The following RPS6KA6 variants were observed in gnomAD, a reference collection of about 807,000 sequenced individuals.
The protein encoded by RPS6KA6 is ribosomal protein S6 kinase alpha-6.
A neutral mutation model predicts 65.4 loss-of-function variants in RPS6KA6; 27 were observed. The observed-to-expected ratio is 0.41, with a 90% confidence interval of 0.30 to 0.57. The LOEUF is 0.57. RPS6KA6 is among the 20% of genes least tolerant of loss of function. RPS6KA6 has a pLI of 0.24. For missense variants in RPS6KA6, 486 were observed against 555.6 expected (o/e 0.87, Z 1.26); for synonymous variants, 190 against 184.2 (o/e 1.03, Z -0.26).
chrX:84,096,587 A>G (rs2034162209), intron 19 of RPS6KA6, among the ~76,000 whole-genome samples: 1 of 111,700 alleles, frequency 9.0e-6, no homozygotes, highest in South Asian at 3.7e-4. Flanking sequence ...CTTTTCATGT[A>G]AAGCTTCAGT....
At chrX:84,160,955 G>A (rs1277809630) in intron 2 of RPS6KA6, among the ~76,000 whole-genome samples, 3 of 110,694 alleles carry the variant, frequency 2.7e-5, no homozygotes, top group Non-Finnish European at 5.7e-5. Context: ...AAAGAATGCC[G>A]GCAAACTAGT....
chrX:84,078,498 A>G (rs973226741), intron 20 of RPS6KA6, among the ~76,000 whole-genome samples: 27 of 112,039 alleles, frequency 2.4e-4, no homozygotes, highest in East Asian at 2.8e-4. Flanking sequence ...ATAGATATTC[A>G]TAGCAGCTTT....
At chrX:84,097,720 A>G (rs2147406003) in intron 19 of RPS6KA6, 52 bp downstream of exon 19, 2 of 753,944 alleles carry the variant, frequency 2.7e-6, no homozygotes, top group South Asian at 4.9e-5. Flanking sequence ...ATGAAGATAT[A>G]CAGATGAAAT....
intron 1 of RPS6KA6, among the ~76,000 whole-genome samples, chrX:84,184,308 T>G (rs978163758): frequency 8.0e-5 from 9 of 112,481 alleles, no homozygotes; most frequent in Non-Finnish European, 1.7e-4. Flanking sequence ...TCCCAGGATT[T>G]TAACATAGAT....
chrX:84,095,353 T>TG (rs5902842), intron 20 of RPS6KA6, among the ~76,000 whole-genome samples: 6,780 of 111,964 alleles, frequency 0.061, 217 homozygotes, highest in East Asian at 0.2. Flanking sequence ...TGACAAGTGA[T>TG]AGTTTTCATT....
At chrX:84,110,590 A>C (rs2034450862) in intron 12 of RPS6KA6, among the ~76,000 whole-genome samples, 1 of 111,625 alleles carries the variant, frequency 9.0e-6, no homozygotes, top group Non-Finnish European at 1.9e-5. Context: ...CAACATAAAA[A>C]CCTGACTAAG....
chrX:84,066,743 C>G (rs6616891), intron 20 of RPS6KA6, among the ~76,000 whole-genome samples: 6,923 of 111,533 alleles, frequency 0.062, 230 homozygotes, highest in East Asian at 0.2. Flanking sequence ...ATCCTGACAA[C>G]GATTCTCCCA....
At chrX:84,074,648 ATG>A (rs1173573546) in intron 20 of RPS6KA6, among the ~76,000 whole-genome samples, 1 of 111,891 alleles carries the variant, frequency 8.9e-6, no homozygotes, top group African/African-American at 3.2e-5. Flanking sequence ...TACAATTTTT[ATG>A]TGTTAATTAA....
chrX:84,122,995 T>C (rs1370215788), intron 8 of RPS6KA6, among the ~76,000 whole-genome samples: 1 of 111,951 alleles, frequency 8.9e-6, no homozygotes, highest in Non-Finnish European at 1.9e-5. Flanking sequence ...GCATCTTAGA[T>C]ATCAGCTCAG....
At chrX:84,120,598 T>C (rs1477319082) in intron 8 of RPS6KA6, among the ~76,000 whole-genome samples, 2 of 111,427 alleles carry the variant, frequency 1.8e-5, no homozygotes, top group Non-Finnish European at 3.8e-5. Flanking sequence ...TCTACAGCTA[T>C]AAAATATATA....
chrX:84,085,238 T>C (rs1398362279), intron 20 of RPS6KA6, among the ~76,000 whole-genome samples: 1 of 111,633 alleles, frequency 9.0e-6, no homozygotes, highest in Admixed American at 9.5e-5. Context: ...ATATGCTGAA[T>C]AGGAGTGGTG....
At chrX:84,169,990 G>A (rs1438322797) in intron 1 of RPS6KA6, among the ~76,000 whole-genome samples, 3 of 108,997 alleles carry the variant, frequency 2.8e-5, no homozygotes, top group South Asian at 4.0e-4. Flanking sequence ...GGCCAACATG[G>A]TGAAACCCGT....
chrX:84,145,030 C>T (rs1184268456), intron 6 of RPS6KA6, among the ~76,000 whole-genome samples: 1 of 110,925 alleles, frequency 9.0e-6, no homozygotes, highest in Non-Finnish European at 1.9e-5. Flanking sequence ...CAAAGGGACA[C>T]AAGAAAACTT....
rs1420040930 is a variant in RPS6KA6, at chrX:84,065,841, A to G, written c.1972-730T>C. On this transcript the variant is annotated intron_variant, in intron 20 of 21. Transcript: ENST00000262752. ...TCGGAGAATCTGGCAAGATGGCCGAATAACAGCTCCGGTCAGCAGCTCCCA... is the reference window on the plus strand; with the variant it reads ...TCGGAGAATCTGGCAAGATGGCCGAGTAACAGCTCCGGTCAGCAGCTCCCA... 4.5e-5 allele frequency among the ~76,000 whole-genome samples: 5 copies of G among 112,086 alleles called. No homozygotes were observed. In the East Asian group the frequency reaches 1.1e-3, roughly 25 times the overall value.
chrX:84,150,601 T>C (rs931601365), intron 3 of RPS6KA6, among the ~76,000 whole-genome samples: 2 of 108,916 alleles, frequency 1.8e-5, no homozygotes, highest in Non-Finnish European at 3.8e-5. Flanking sequence ...GTCAGTAAAA[T>C]AGCCAGAACA....
chrX:84,155,077 C>T, intron 3 of RPS6KA6, among the ~76,000 whole-genome samples: 1 of 109,578 alleles, frequency 9.1e-6, no homozygotes. Flanking sequence ...TGGTGCACAC[C>T]TGTAGTATCA....
intron 5 of RPS6KA6, 84 bp downstream of exon 5, chrX:84,146,894 G>T: frequency 4.1e-6 from 2 of 492,201 alleles, no homozygotes; most frequent in South Asian, 9.9e-5. Flanking sequence ...TTATAGTATT[G>T]TGTGAAAGGA....
intron 1 of RPS6KA6, chrX:84,186,038 A>G: frequency 2.0e-6 from 1 of 511,433 alleles, no homozygotes; most frequent in African/African-American, 2.3e-5. Flanking sequence ...AAGAAGGCAG[A>G]AATACTATCT....
At chrX:84,083,803 T>C (rs899623278) in intron 20 of RPS6KA6, among the ~76,000 whole-genome samples, 1 of 112,373 alleles carries the variant, frequency 8.9e-6, no homozygotes, top group African/African-American at 3.2e-5. Flanking sequence ...CCACGCTGTC[T>C]TCCATAATGG....
Sources: allele counts gnomAD v4.1 joint callset (sites outside exome capture counted in the v4.1 genomes callset), GRCh38; gene constraint gnomAD v4.1.1; transcripts MANE v1.5; gene names NCBI Gene and HGNC (gene_info 2026-07-23, HGNC 2026-07-21).